The following RFLNA variants were observed in gnomAD, a reference collection of about 807,000 sequenced individuals.
The protein encoded by RFLNA is refilin-A.
RFLNA carries 5 observed loss-of-function variants against 7.8 expected under a neutral mutation model. The ratio of observed to expected loss-of-function variants is 0.64; its 90% CI spans 0.34 to 1.35. RFLNA has a LOEUF of 1.35. RFLNA is among the 40% of genes most tolerant of loss of function. RFLNA has a pLI of 0.04. For synonymous variants in RFLNA, 141 were observed against 131.3 expected, an observed-to-expected ratio of 1.07 and a Z score of -0.50; for missense variants, 278 against 305.5, an observed-to-expected ratio of 0.91 and a Z score of 0.67.
chr12:124,304,566 G>A (rs2034105786), intron 1 of RFLNA, among the ~76,000 whole-genome samples: 1 of 152,238 alleles, frequency 6.6e-6, no homozygotes, highest in South Asian at 2.1e-4. Context: ...GTTTGGCAGT[G>A]TCTTCATTCC....
intron 1 of RFLNA, among the ~76,000 whole-genome samples, chr12:124,296,124 C>CTTTTCTT (rs1206464627): frequency 4.3e-4 from 1 of 2,334 alleles, no homozygotes; most frequent in African/African-American, 5.6e-4. Flanking sequence ...TTCTTTCTTT[C>CTTTTCTT]TCTCTCTCTC....
rs1319280512 is a variant in RFLNA at position 124,314,729 on chromosome 12, A to C, written c.*204A>C. 1.1e-6 allele frequency: 1 copy of C among 872,010 alleles called. No homozygotes were observed. Among genetic ancestry groups the C allele is most frequent in the Admixed American group, 2.0e-5 (1 of 50,174 alleles). 54.0% of individuals were successfully genotyped at this position (872,010 alleles called of 1,614,324 possible). ...GTGGTGGTCTCCTTGTTTTGGTGTC[A>C]AGGACTCAGTAAAAGCATCTATTTT... On this transcript the variant is annotated 3_prime_UTR_variant, in exon 3 of 3. Transcript: ENST00000546355.
At chr12:124,308,687 A>T (rs561443560) in intron 1 of RFLNA, among the ~76,000 whole-genome samples, 1 of 152,326 alleles carries the variant, frequency 6.6e-6, no homozygotes, top group South Asian at 2.1e-4. Context: ...AGGCAGACAG[A>T]GCCAGGGGCA....
intron 1 of RFLNA, among the ~76,000 whole-genome samples, chr12:124,307,210 G>T (rs1045853000): frequency 6.6e-6 from 1 of 152,240 alleles, no homozygotes; most frequent in African/African-American, 2.4e-5. Flanking sequence ...TAAGTGCCGT[G>T]TCCCAGTGAC....
intron 1 of RFLNA, among the ~76,000 whole-genome samples, chr12:124,302,853 G>GGGGCCAAGGTCAGA: frequency 8.3e-6 from 1 of 120,178 alleles, no homozygotes; most frequent in African/African-American, 3.3e-5. Context: ...GCCGAGGTCA[G>GGGGCCAAGGTCAGA]GGGCCGAGGT....
At chr12:124,294,526 G>A (rs7967637), upstream of RFLNA, among the ~76,000 whole-genome samples, 17,386 of 152,198 alleles carry the variant, frequency 0.11, 1,184 homozygotes, top group East Asian at 0.31. Flanking sequence ...GTTCATGAGC[G>A]AGGACCTGCC....
Position 124,315,005 on chromosome 12 carries a change from T to A in RFLNA, c.*480T>A. On this transcript the variant is annotated 3_prime_UTR_variant, in exon 3 of 3. Coordinates refer to ENST00000546355, the MANE Select transcript of RFLNA (RefSeq NM_001365156.1). ...AGGGAAGAGGGGTACCTCTCTTCCC[T>A]GCTGCTGGCCTGGGGTATTTCCAAA... 3.6e-6 allele frequency: 1 copy of A among 279,786 alleles called. No homozygotes were observed. The highest frequency in any genetic ancestry group is 7.1e-6 in the Non-Finnish European group (1 of 141,092). 17.3% of individuals were successfully genotyped at this position (279,786 alleles called of 1,614,324 possible).
At chr12:124,313,258 T>C (rs7968594) in intron 2 of RFLNA, among the ~76,000 whole-genome samples, 135,316 of 152,204 alleles carry the variant, frequency 0.89, 60,450 homozygotes, top group Admixed American at 0.93. Flanking sequence ...GATTCTCTCC[T>C]TCCCAGAGCT....
intron 1 of RFLNA, among the ~76,000 whole-genome samples, chr12:124,308,626 T>C (rs933465516): frequency 2.6e-5 from 4 of 152,214 alleles, no homozygotes; most frequent in African/African-American, 4.8e-5. Flanking sequence ...GTGACCTCCC[T>C]TGGGTTCCTG....
chr12:124,292,847 A>C (rs1247204363), upstream of RFLNA, among the ~76,000 whole-genome samples: 2 of 152,252 alleles, frequency 1.3e-5, no homozygotes, highest in Admixed American at 1.3e-4. Flanking sequence ...AAACACAGAA[A>C]TCACCACAAA....
At chr12:124,312,039 G>C (rs2034255198) in intron 2 of RFLNA, 112 bp downstream of exon 2, 1 of 1,292,352 alleles carries the variant, frequency 7.7e-7, no homozygotes, top group Admixed American at 3.4e-5. Context: ...GGCTCAGGAG[G>C]CTCCCTACCC....
Position 124,295,733 on chromosome 12 carries a change from C to T in RFLNA, c.207+97C>T, listed in dbSNP as rs2033896658. 2.7e-6 allele frequency: 3 copies of T among 1,120,182 alleles called. No individual in the cohort carries two copies. In the South Asian group the frequency reaches 1.4e-4, roughly 53 times the overall value. The allele number at this position is 1,120,182 out of a possible 1,614,324, so 69.4% of individuals were successfully genotyped here. A position where few individuals can be genotyped will look rare whatever the true frequency, so the allele number is the denominator to read the frequency against. ...GCGCCACTGCAGCAGCAGGACGTGC[C>T]TCCTCCTCTACCTGCCCCGCAACCA... On this transcript the variant is annotated intron_variant, in intron 1 of 2. Transcript: ENST00000546355.
intron 1 of RFLNA, among the ~76,000 whole-genome samples, chr12:124,303,118 G>C (rs923522645): frequency 6.6e-6 from 1 of 152,190 alleles, no homozygotes; most frequent in Non-Finnish European, 1.5e-5. Context: ...CGCCCAGGCT[G>C]TGCCTCCCTG....
At position 124,295,242 on chromosome 12, in the gene RFLNA, C is replaced by T. The variant is rs1452144752; in HGVS notation, c.-188C>T. ...GCGCTGGCAGGAGCGCGGCCCACGG[C>T]GGCGAGCAGGCTGCAGGCCCGCGGG... On this transcript the variant is annotated 5_prime_UTR_variant, in exon 1 of 3. Coordinates refer to ENST00000546355, the MANE Select transcript of RFLNA (RefSeq NM_001365156.1). 9 of 154,382 alleles carry T rather than the reference C, an allele frequency of 5.8e-5. No homozygotes were observed. The highest frequency in any genetic ancestry group is 2.7e-4 in the Admixed American group (4 of 14,858). 9.6% of individuals were successfully genotyped at this position (154,382 alleles called of 1,614,324 possible). A position where few individuals can be genotyped will look rare whatever the true frequency, so the allele number is the denominator to read the frequency against.
intron 2 of RFLNA, 152 bp from the exon 3 acceptor site, chr12:124,314,040 C>A: frequency 9.9e-7 from 1 of 1,009,302 alleles, no homozygotes; most frequent in Non-Finnish European, 1.4e-6. Context: ...CTCAGTCCTT[C>A]TTTGACCTTC....
intron 1 of RFLNA, among the ~76,000 whole-genome samples, chr12:124,303,408 C>T (rs1226275118): frequency 6.6e-6 from 1 of 152,204 alleles, no homozygotes; most frequent in African/African-American, 2.4e-5. Context: ...CCAACACCCT[C>T]CAGGGCCCGT....
intron 2 of RFLNA, among the ~76,000 whole-genome samples, chr12:124,313,148 C>G (rs73223555): frequency 0.01 from 1,549 of 152,284 alleles, 9 homozygotes; most frequent in Admixed American, 0.016. Flanking sequence ...AGAAGCCCAG[C>G]AAGGGTGGAG....
In RFLNA at chr12:124,289,773, C is replaced by T. The variant is rs1038080546; in HGVS notation, c.-37+403C>T. Among the ~76,000 whole-genome samples the T allele has an allele frequency of 6.6e-6, 1 of 152,166 alleles. No homozygotes were observed. Among genetic ancestry groups the T allele is most frequent in the East Asian group, 1.9e-4 (1 of 5,188 alleles). On this transcript the variant is annotated intron_variant, in intron 1 of 2. Transcript: ENST00000324038. This position sits in a 1 kb window ranked among gnomAD's most constrained non-coding sequence, Gnocchi z 5.0. ...ATCTGTGGTACAGCTGGGGACTGAG[C>T]AAGGGCACTGCGGAAAAGTCCCTCG...
rs116219894 is a variant in RFLNA, at chr12:124,302,339, G to A, written c.207+6703G>A. Among the ~76,000 whole-genome samples, 1,262 of 152,220 alleles carry A rather than the reference G, an allele frequency of 8.3e-3. 22 individuals are homozygous for A. Among genetic ancestry groups the A allele is most frequent in the African/African-American group, 0.029 (1,222 of 41,544 alleles). On this transcript the variant is annotated intron_variant, in intron 1 of 2. Coordinates refer to ENST00000546355, the MANE Select transcript of RFLNA (RefSeq NM_001365156.1). ...AGCTGGAGCACTGCCTCCGAGCTGC[G>A]ACGTTCGAGTTTGTTCACCGTTTCT...
Sources: allele counts gnomAD v4.1 joint callset (sites outside exome capture counted in the v4.1 genomes callset), GRCh38; gene constraint gnomAD v4.1.1; non-coding constraint Gnocchi (gnomAD v3.1); transcripts MANE v1.5; gene names NCBI Gene and HGNC (gene_info 2026-07-23, HGNC 2026-07-21).